Variants in ZFHX3 observed in about 807,000 individuals in gnomAD.
The protein encoded by ZFHX3 is zinc finger homeobox 3.
ZFHX3 carries 42 observed loss-of-function variants against 279.1 expected under a neutral mutation model. That is an observed-to-expected ratio of 0.15 (90% confidence interval 0.12 to 0.19). ZFHX3 has a LOEUF of 0.19. Among genes scored for constraint, ZFHX3 ranks in the 10% least tolerant of loss-of-function variants. ZFHX3 has a pLI of 1.00. For synonymous variants in ZFHX3, 2,293 were observed against 1,957.8 expected, an observed-to-expected ratio of 1.17 and a Z score of -4.52; for missense variants, 4,981 against 4,754.0, an observed-to-expected ratio of 1.05 and a Z score of -1.40.
At chr16:73,262,676 C>A (rs2013858576) in intron 4 of ZFHX3, among the ~76,000 whole-genome samples, 1 of 152,134 alleles carries the variant, frequency 6.6e-6, no homozygotes, top group African/African-American at 2.4e-5. Flanking sequence ...GGCACAAATT[C>A]CTTGCAGCTC....
At chr16:73,480,568 G>T (rs1351388449) in intron 2 of ZFHX3, among the ~76,000 whole-genome samples, 3 of 152,172 alleles carry the variant, frequency 2.0e-5, no homozygotes, top group Admixed American at 2.0e-4. Context: ...GGCAGCAGAG[G>T]GCAGAATGTG....
chr16:73,205,121 T>C (rs767240977), intron 5 of ZFHX3, among the ~76,000 whole-genome samples: 4 of 152,142 alleles, frequency 2.6e-5, no homozygotes, highest in Non-Finnish European at 2.9e-5. Flanking sequence ...GTGACCCTGA[T>C]TGATGGTCTG....
intron 2 of ZFHX3, among the ~76,000 whole-genome samples, chr16:73,675,147 T>C (rs2052941804): frequency 6.6e-6 from 1 of 152,040 alleles, no homozygotes; most frequent in Non-Finnish European, 1.5e-5. Flanking sequence ...TTTGAACTAG[T>C]TATATGTTAA....
chr16:72,943,975 T>G, intron 3 of ZFHX3, among the ~76,000 whole-genome samples: 1 of 152,324 alleles, frequency 6.6e-6, no homozygotes, highest in South Asian at 2.1e-4. Context: ...CTATATGTAC[T>G]GACCTAAAAG....
intron 1 of ZFHX3, among the ~76,000 whole-genome samples, chr16:73,767,537 T>G (rs2053964462): frequency 6.6e-6 from 1 of 152,214 alleles, no homozygotes; most frequent in South Asian, 2.1e-4. Flanking sequence ...AAGAATTCTT[T>G]TTCTGACCTT....
intron 1 of ZFHX3, among the ~76,000 whole-genome samples, chr16:73,889,800 C>A (rs969145535): frequency 3.3e-5 from 5 of 152,140 alleles, no homozygotes; most frequent in Non-Finnish European, 7.4e-5. Context: ...TGACTCTTCT[C>A]CTTTCTGTAG....
intron 5 of ZFHX3, among the ~76,000 whole-genome samples, chr16:73,212,976 A>G (rs1158030746): frequency 6.6e-6 from 1 of 152,236 alleles, no homozygotes; most frequent in African/African-American, 2.4e-5. Flanking sequence ...TCAGAAACGC[A>G]GGAAGTAATC....
intron 2 of ZFHX3, among the ~76,000 whole-genome samples, chr16:73,614,653 C>T (rs76169961): frequency 0.012 from 1,890 of 152,178 alleles, 19 homozygotes; most frequent in Non-Finnish European, 0.02. Flanking sequence ...AACCTTTGAC[C>T]GCTCTACAGG....
At chr16:72,858,181 C>T (rs1328529030) in intron 4 of ZFHX3, among the ~76,000 whole-genome samples, 15 of 152,198 alleles carry the variant, frequency 9.9e-5, no homozygotes, top group Non-Finnish European at 4.4e-5. Flanking sequence ...CCACAAGCAG[C>T]CGTGGAAGAA....
chr16:73,372,009 C>T (rs1003130678), intron 3 of ZFHX3, among the ~76,000 whole-genome samples: 3 of 152,232 alleles, frequency 2.0e-5, no homozygotes, highest in Non-Finnish European at 4.4e-5. Flanking sequence ...TCTACTCTTT[C>T]CACTTCCAAC....
chr16:73,325,840 G>A lies in ZFHX3; in HGVS notation c.-1290-7504C>T, dbSNP rs1044855243. 9.9e-5 allele frequency among the ~76,000 whole-genome samples: 15 copies of A among 151,834 alleles called. 1 individual carries two copies. Among genetic ancestry groups the A allele is most frequent in the Middle Eastern group, 3.2e-3 (1 of 316 alleles). ...AAGGGCATGCCAATTAGAAGGAGCA[G>A]CATATACAGAAATGCATGTGTCCCA... On this transcript the variant is annotated intron_variant, in intron 3 of 17. Coordinates refer to the ZFHX3 transcript ENST00000641206.
At chr16:73,057,557 G>A (rs910170806) in intron 1 of ZFHX3, among the ~76,000 whole-genome samples, 4 of 149,870 alleles carry the variant, frequency 2.7e-5, no homozygotes, top group South Asian at 2.1e-4. Context: ...AAAAGAAGAA[G>A]AAGAAGAAAG....
chr16:73,638,314 T>C (rs528472726), intron 2 of ZFHX3, among the ~76,000 whole-genome samples: 3 of 152,370 alleles, frequency 2.0e-5, no homozygotes, highest in African/African-American at 7.2e-5. Context: ...ATTTATTTAT[T>C]AGGAGCTCTT....
chr16:73,655,772 A>T (rs1660640767), intron 2 of ZFHX3, among the ~76,000 whole-genome samples: 1 of 152,166 alleles, frequency 6.6e-6, no homozygotes, highest in South Asian at 2.1e-4. Context: ...AGAGTATAAA[A>T]CAAAAAAACC....
chr16:73,513,045 C>A (rs2143691754), intron 2 of ZFHX3, among the ~76,000 whole-genome samples: 1 of 152,226 alleles, frequency 6.6e-6, no homozygotes, highest in Admixed American at 6.5e-5. Context: ...TAGCACAGGC[C>A]AGATAGTGGT....
intron 4 of ZFHX3, among the ~76,000 whole-genome samples, chr16:72,877,698 G>C (rs904526884): frequency 6.6e-6 from 1 of 152,162 alleles, no homozygotes; most frequent in African/African-American, 2.4e-5. Flanking sequence ...CTGATCCCTG[G>C]GCTAAAACAG....
At chr16:73,660,398 C>T (rs949191280) in intron 2 of ZFHX3, among the ~76,000 whole-genome samples, 1 of 152,096 alleles carries the variant, frequency 6.6e-6, no homozygotes, top group African/African-American at 2.4e-5. Context: ...TGTGTATGAA[C>T]CAGAAAAATA....
rs569164310 is a variant in ZFHX3 at position 73,411,501 on chromosome 16, C to A, written c.-1291+44502G>T. Among the ~76,000 whole-genome samples, 39 of 152,050 alleles carry A rather than the reference C, an allele frequency of 2.6e-4. 1 individual carries two copies. In the South Asian group the frequency reaches 7.5e-3, roughly 29 times the overall value. ...CTCCACAAAAATTCCATTTATACTT[C>A]TTTGTTTTTTTTCAGGATCACATTA... On this transcript the variant is annotated intron_variant, in intron 3 of 17. Coordinates refer to the ZFHX3 transcript ENST00000641206.
intron 2 of ZFHX3, among the ~76,000 whole-genome samples, chr16:73,529,508 T>C (rs2019755437): frequency 6.6e-6 from 1 of 152,046 alleles, no homozygotes; most frequent in East Asian, 1.9e-4. Flanking sequence ...GCAGTGACAC[T>C]CAGAGACAGC....
Sources: allele counts gnomAD v4.1 joint callset (sites outside exome capture counted in the v4.1 genomes callset), GRCh38; gene constraint gnomAD v4.1.1; transcripts MANE v1.5; gene names NCBI Gene and HGNC (gene_info 2026-07-23, HGNC 2026-07-21).